Variants in ADAMTSL1 observed in about 807,000 individuals in gnomAD.
ADAMTSL1 encodes the protein ADAMTS-like protein 1.
A neutral mutation model predicts 201.8 loss-of-function variants in ADAMTSL1; 126 were observed. The observed-to-expected ratio is 0.62, with a 90% confidence interval of 0.54 to 0.72. ADAMTSL1 has a LOEUF of 0.72. ADAMTSL1 is among the 30% of genes least tolerant of loss of function. The pLI, the probability that ADAMTSL1 is intolerant of heterozygous loss-of-function variation, is 0.00. For synonymous variants in ADAMTSL1, 1,121 were observed against 903.4 expected (o/e 1.24, Z -4.32); for missense variants, 2,679 against 2,277.8 (o/e 1.18, Z -3.59).
At chr9:18,717,282 A>T (rs979851928) in intron 14 of ADAMTSL1, among the ~76,000 whole-genome samples, 20 of 150,246 alleles carry the variant, frequency 1.3e-4, no homozygotes, top group East Asian at 3.9e-4. Flanking sequence ...TAAAAATTTT[A>T]AAAAAATAAA....
At position 18,596,604 on chromosome 9, in the gene ADAMTSL1, C is replaced by T. The variant is rs574199277; in HGVS notation, c.474+22338C>T. 4.9e-4 allele frequency among the ~76,000 whole-genome samples: 75 copies of T among 152,250 alleles called. 2 individuals are homozygous for T. The highest frequency in any genetic ancestry group is 1.7e-3 in the African/African-American group (71 of 41,538). On this transcript the variant is annotated intron_variant, in intron 4 of 28. Coordinates refer to ENST00000380548, the MANE Select transcript of ADAMTSL1 (RefSeq NM_001040272.6). ...TATGCCAGGCACTGTGCTATGTGAA[C>T]ATTTCACATATGTTACCACCTTTAA... is the stretch of plus-strand genomic sequence containing the variant.
At chr9:18,836,335 T>A (rs1001888373) in intron 23 of ADAMTSL1, among the ~76,000 whole-genome samples, 1 of 152,198 alleles carries the variant, frequency 6.6e-6, no homozygotes, top group African/African-American at 2.4e-5. Context: ...ATTAGACCTC[T>A]GTTGGATACA....
chr9:18,574,355 C>A, intron 4 of ADAMTSL1, 89 bp downstream of exon 4: 1 of 1,135,122 alleles, frequency 8.8e-7, no homozygotes, highest in Non-Finnish European at 1.3e-6. Context: ...CTCTGAATCA[C>A]TCATCTTTAC....
chr9:18,422,505 G>A (rs1033253432), intron 2 of ADAMTSL1, among the ~76,000 whole-genome samples: 8 of 152,154 alleles, frequency 5.3e-5, no homozygotes, highest in East Asian at 3.9e-4. Flanking sequence ...AACTGGCCCC[G>A]CTTTCCTGAG....
chr9:17,913,962 C>G (rs1825988732), intron 1 of ADAMTSL1, among the ~76,000 whole-genome samples: 1 of 152,182 alleles, frequency 6.6e-6, no homozygotes, highest in South Asian at 2.1e-4. Flanking sequence ...CCTCCCAAGA[C>G]TAAACCAGGA....
chr9:17,936,079 C>G (rs184559266), intron 1 of ADAMTSL1, among the ~76,000 whole-genome samples: 6 of 152,254 alleles, frequency 3.9e-5, no homozygotes, highest in East Asian at 3.9e-4. Flanking sequence ...GCATTTAGCT[C>G]TTAGAAAACA....
chr9:18,400,067 C>T (rs1017045757), intron 2 of ADAMTSL1, among the ~76,000 whole-genome samples: 9 of 121,554 alleles, frequency 7.4e-5, no homozygotes, highest in African/African-American at 2.1e-4. Context: ...TAGCTACTGG[C>T]GCTCAAGATA....
At chr9:18,582,634 G>GT in intron 4 of ADAMTSL1, among the ~76,000 whole-genome samples, 1 of 152,116 alleles carries the variant, frequency 6.6e-6, no homozygotes, top group Non-Finnish European at 1.5e-5. Context: ...GGATCATGAG[G>GT]TCAGGAGATT....
chr9:18,325,211 C>A (rs1331113258), intron 2 of ADAMTSL1, among the ~76,000 whole-genome samples: 1 of 152,142 alleles, frequency 6.6e-6, no homozygotes, highest in African/African-American at 2.4e-5. Context: ...ATACACCTAC[C>A]CTATGACCCA....
At chr9:18,236,004 T>C (rs1397797936) in intron 2 of ADAMTSL1, among the ~76,000 whole-genome samples, 1 of 152,230 alleles carries the variant, frequency 6.6e-6, no homozygotes, top group Admixed American at 6.5e-5. Context: ...GAAGTTGTCT[T>C]TCAATTTCAT....
At chr9:18,633,564 T>C (rs541780402) in intron 5 of ADAMTSL1, among the ~76,000 whole-genome samples, 2 of 151,608 alleles carry the variant, frequency 1.3e-5, no homozygotes, top group African/African-American at 4.8e-5. Context: ...TACTGCACTC[T>C]AGCCTGGGTA....
chr9:18,868,033 C>A (rs1827652326), intron 23 of ADAMTSL1, among the ~76,000 whole-genome samples: 1 of 152,144 alleles, frequency 6.6e-6, no homozygotes, highest in African/African-American at 2.4e-5. Context: ...TTTTTACTCT[C>A]TCTGCTTTAC....
chr9:18,272,515 C>A (rs1388542851), intron 2 of ADAMTSL1, among the ~76,000 whole-genome samples: 1 of 152,116 alleles, frequency 6.6e-6, no homozygotes, highest in Non-Finnish European at 1.5e-5. Flanking sequence ...TAGAAGAAAA[C>A]CTAGGCAATA....
At chr9:18,090,980 G>A (rs1340947735) in intron 1 of ADAMTSL1, among the ~76,000 whole-genome samples, 1 of 151,874 alleles carries the variant, frequency 6.6e-6, no homozygotes, top group African/African-American at 2.4e-5. Flanking sequence ...GCTTTCGCAG[G>A]TTCTCCTCAA....
intron 26 of ADAMTSL1, among the ~76,000 whole-genome samples, chr9:18,901,206 A>T (rs946110821): frequency 2.0e-5 from 3 of 152,178 alleles, no homozygotes; most frequent in African/African-American, 7.2e-5. Flanking sequence ...ACCAAGAATT[A>T]TCTGGCAAAA....
At chr9:18,793,823 A>C (rs1822199452) in intron 19 of ADAMTSL1, among the ~76,000 whole-genome samples, 1 of 152,080 alleles carries the variant, frequency 6.6e-6, no homozygotes. Flanking sequence ...TCCTCCACAT[A>C]CACATTCCAG....
chr9:18,065,985 C>CAAA (rs34179730), intron 1 of ADAMTSL1, among the ~76,000 whole-genome samples: 13 of 38,132 alleles, frequency 3.4e-4, no homozygotes, highest in Non-Finnish European at 3.7e-4. Flanking sequence ...GACTCCATCT[C>CAAA]AAAAAAAAAA....
chr9:18,167,430 C>T (rs1320663821), intron 2 of ADAMTSL1, among the ~76,000 whole-genome samples: 1 of 151,888 alleles, frequency 6.6e-6, no homozygotes, highest in Non-Finnish European at 1.5e-5. Flanking sequence ...TGGAGGTGAG[C>T]TTTCAGAAGG....
intron 4 of ADAMTSL1, among the ~76,000 whole-genome samples, chr9:18,576,752 A>G (rs1822761032): frequency 6.6e-6 from 1 of 152,230 alleles, no homozygotes; most frequent in Non-Finnish European, 1.5e-5. Context: ...CAGTAGTAAT[A>G]GAGCATCATA....
Sources: allele counts gnomAD v4.1 joint callset (sites outside exome capture counted in the v4.1 genomes callset), GRCh38; gene constraint gnomAD v4.1.1; transcripts MANE v1.5; gene names NCBI Gene and HGNC (gene_info 2026-07-23, HGNC 2026-07-21).